PLPP4: variants seen among roughly 807,000 people sequenced by gnomAD.
PLPP4 encodes phospholipid phosphatase 4, also known as diacylglycerol pyrophosphate like 2.
A neutral mutation model predicts 32.2 loss-of-function variants in PLPP4; 20 were observed. The ratio of observed to expected loss-of-function variants is 0.62; its 90% CI spans 0.44 to 0.90. The LOEUF is 0.90. Among genes scored for constraint, PLPP4 ranks in the 40% least tolerant of loss-of-function variants. The pLI is 0.00. For synonymous variants in PLPP4, 127 were observed against 133.0 expected (o/e 0.95, Z 0.31); for missense variants, 257 against 353.1 (o/e 0.73, Z 2.18).
intron 1 of PLPP4, among the ~76,000 whole-genome samples, chr10:120,496,435 C>T (rs1844965348): frequency 6.6e-6 from 1 of 152,154 alleles, no homozygotes; most frequent in Admixed American, 6.5e-5. Context: ...TACCTTGGAA[C>T]ATCCCTAGAG....
chr10:120,538,502 G>A (rs1013885068), intron 5 of PLPP4, among the ~76,000 whole-genome samples: 7 of 152,040 alleles, frequency 4.6e-5, no homozygotes, highest in Middle Eastern at 3.2e-3. Context: ...TAGAAAAGGC[G>A]TTTCACGTTT....
chr10:120,556,855 G>A (rs1848185506), intron 5 of PLPP4, among the ~76,000 whole-genome samples: 1 of 142,016 alleles, frequency 7.0e-6, no homozygotes, highest in Admixed American at 7.3e-5. Context: ...ATTTAGGTTG[G>A]TGCAAAAGTT....
chr10:120,504,365 C>T (rs1845400832), intron 2 of PLPP4, among the ~76,000 whole-genome samples: 1 of 152,154 alleles, frequency 6.6e-6, no homozygotes, highest in Admixed American at 6.5e-5. Context: ...TGGCTAACAG[C>T]TGAAAACTTT....
intron 1 of PLPP4, among the ~76,000 whole-genome samples, chr10:120,458,186 A>G (rs1316444729): frequency 6.6e-6 from 1 of 152,128 alleles, no homozygotes; most frequent in Non-Finnish European, 1.5e-5. Context: ...TTCAGACCTG[A>G]GCCCAGAACA....
chr10:120,564,725 T>G (rs1024926163), intron 5 of PLPP4, among the ~76,000 whole-genome samples: 1 of 151,938 alleles, frequency 6.6e-6, no homozygotes, highest in Non-Finnish European at 1.5e-5. Flanking sequence ...ATCATCTTTA[T>G]CTCTAATATT....
At chr10:120,577,531 A>G (rs558973463) in intron 6 of PLPP4, among the ~76,000 whole-genome samples, 1 of 152,246 alleles carries the variant, frequency 6.6e-6, no homozygotes, top group African/African-American at 2.4e-5. Context: ...GGGCTTTGAA[A>G]CCGTACTATC....
chr10:120,463,019 C>CTTTTTT (rs71019771), intron 1 of PLPP4, among the ~76,000 whole-genome samples: 8 of 89,342 alleles, frequency 9.0e-5, no homozygotes, highest in African/African-American at 2.7e-4. Context: ...AAGTTTCTTT[C>CTTTTTT]TTTTTTTTTT....
At chr10:120,534,219 AC>A (rs1425163155) in intron 5 of PLPP4, among the ~76,000 whole-genome samples, 1 of 151,182 alleles carries the variant, frequency 6.6e-6, no homozygotes, top group Non-Finnish European at 1.5e-5. Context: ...ACATATTTGA[AC>A]AATGATTTTG....
chr10:120,564,117 A>G (rs899982204), intron 5 of PLPP4, among the ~76,000 whole-genome samples: 4 of 152,052 alleles, frequency 2.6e-5, no homozygotes, highest in African/African-American at 9.7e-5. Flanking sequence ...TTAGCTATAA[A>G]TTTTCCTTTA....
intron 5 of PLPP4, among the ~76,000 whole-genome samples, chr10:120,528,893 T>C (rs1846559240): frequency 6.6e-6 from 1 of 152,180 alleles, no homozygotes; most frequent in African/African-American, 2.4e-5. Context: ...ATATTGTATA[T>C]CTGTTTATGT....
At chr10:120,589,164 C>G in intron 6 of PLPP4, 139 bp from the exon 7 acceptor site, 1 of 750,194 alleles carries the variant, frequency 1.3e-6, no homozygotes. Flanking sequence ...ACTGTGGTTT[C>G]TTTCCTTTAG....
intron 1 of PLPP4, among the ~76,000 whole-genome samples, chr10:120,481,065 C>T (rs1254082521): frequency 1.3e-5 from 2 of 152,228 alleles, no homozygotes; most frequent in Non-Finnish European, 2.9e-5. Context: ...GTGAGACGCT[C>T]CACCCTGAGC....
intron 1 of PLPP4, among the ~76,000 whole-genome samples, chr10:120,489,253 G>C (rs904422686): frequency 2.6e-5 from 4 of 152,186 alleles, no homozygotes; most frequent in African/African-American, 9.7e-5. Flanking sequence ...TGGTGATAGC[G>C]GTGGTGGACA....
chr10:120,463,219 A>G (rs529998849), intron 1 of PLPP4, among the ~76,000 whole-genome samples: 45 of 151,670 alleles, frequency 3.0e-4, no homozygotes, highest in Admixed American at 1.0e-3. Context: ...GTAGAGACGT[A>G]GTTTCACCAT....
chr10:120,547,202 T>G (rs895425509), intron 5 of PLPP4, among the ~76,000 whole-genome samples: 2 of 152,036 alleles, frequency 1.3e-5, no homozygotes, highest in Admixed American at 1.3e-4. Flanking sequence ...GAAATAAATG[T>G]TTAGTTAAAC....
chr10:120,563,415 T>C (rs1020776445), intron 5 of PLPP4, among the ~76,000 whole-genome samples: 2 of 152,224 alleles, frequency 1.3e-5, no homozygotes, highest in Non-Finnish European at 2.9e-5. Flanking sequence ...GTGAGTTGAT[T>C]TATTTTTTGG....
rs187779800 is a variant in PLPP4, at chr10:120,482,985, C to T, written c.57-20833C>T. Among the ~76,000 whole-genome samples the T allele has an allele frequency of 2.7e-4, 41 of 152,156 alleles. No individual in the cohort carries two copies. In the East Asian group the frequency reaches 6.8e-3, roughly 25 times the overall value. ...AGTCAGTGGACTGGGAAGGGCAGACCCACCCTCAATCTGGGTGGGCATCAT... is the reference window on the plus strand; with the variant it reads ...AGTCAGTGGACTGGGAAGGGCAGACTCACCCTCAATCTGGGTGGGCATCAT... On this transcript the variant is annotated intron_variant, in intron 1 of 6. Coordinates refer to ENST00000398250, the MANE Select transcript of PLPP4 (RefSeq NM_001030059.3).
At chr10:120,502,624 A>G (rs960020435) in intron 1 of PLPP4, among the ~76,000 whole-genome samples, 1 of 151,986 alleles carries the variant, frequency 6.6e-6, no homozygotes, top group Admixed American at 6.5e-5. Flanking sequence ...TCACACCCTC[A>G]CAGGGGAGCT....
intron 5 of PLPP4, among the ~76,000 whole-genome samples, chr10:120,556,416 A>G (rs950119867): frequency 3.9e-5 from 6 of 152,176 alleles, no homozygotes; most frequent in Admixed American, 6.5e-5. Flanking sequence ...AACTTAAACT[A>G]TTTCTGGCCC....
Sources: gnomAD v4.1 joint callset for allele counts (sites outside exome capture counted in the v4.1 genomes callset) on GRCh38, gnomAD v4.1.1 for gene constraint, MANE v1.5 for transcripts, NCBI Gene and HGNC (gene_info 2026-07-23, HGNC 2026-07-21) for gene names.